Variants in MOCS2 observed in about 807,000 individuals in gnomAD.
MOCS2 encodes molybdopterin synthase catalytic subunit.
In MOCS2, 13 loss-of-function variants were observed where a neutral mutation model predicts 21.9. The ratio of observed to expected loss-of-function variants is 0.59; its 90% confidence interval spans 0.39 to 0.94. The LOEUF (loss-of-function observed/expected upper bound fraction) is 0.94. Ranked by LOEUF, MOCS2 falls within the 40% of genes least tolerant of loss-of-function variation. MOCS2 has a pLI of 0.00. For missense variants in MOCS2, 227 were observed against 218.3 expected (o/e 1.04, Z -0.25); for synonymous variants, 92 against 80.8 (o/e 1.14, Z -0.74).
At chr5:53,101,875 T>C (rs1041178238) in intron 4 of MOCS2, among the ~76,000 whole-genome samples, 1 of 152,226 alleles carries the variant, frequency 6.6e-6, no homozygotes, top group African/African-American at 2.4e-5. Flanking sequence ...CTCCTAACAA[T>C]GACTTTTATC....
Position 53,107,130 on chromosome 5 carries a change from C to CGTCTCCAGGCTGAAGCACGAGGAGCTG in MOCS2, c.18_44dup (p.Ser7_Thr15dup). On this transcript the variant is annotated inframe_insertion, in exon 3 of 7. Coordinates refer to ENST00000396954, the MANE Select transcript of MOCS2 (RefSeq NM_004531.5). ...CTAATGGGGGGGATAACGGCAATTTCGTCTCCAGGCTGAAGCACGAGGAGC... is the reference window on the plus strand; with the variant it reads ...CTAATGGGGGGGATAACGGCAATTTCGTCTCCAGGCTGAAGCACGAGGAGCTGGTCTCCAGGCTGAAGCACGAGGAGC... The CGTCTCCAGGCTGAAGCACGAGGAGCTG allele has an allele frequency of 6.2e-7, 1 of 1,614,114 alleles. No homozygotes were observed. Among genetic ancestry groups the CGTCTCCAGGCTGAAGCACGAGGAGCTG allele is most frequent in the Non-Finnish European group, 8.5e-7 (1 of 1,180,002 alleles).
intron 6 of MOCS2, among the ~76,000 whole-genome samples, chr5:53,099,549 C>A (rs990749337): frequency 4.1e-5 from 6 of 146,582 alleles, no homozygotes; most frequent in African/African-American, 1.5e-4. Flanking sequence ...CTAATCCCTA[C>A]GTATTCTAAC....
Position 53,100,480 on chromosome 5 carries a change from T to C in MOCS2, c.432A>G (p.Arg144=). 1 of 1,613,768 alleles carries C rather than the reference T, an allele frequency of 6.2e-7. No individual in the cohort carries two copies. The highest frequency in any genetic ancestry group is 8.5e-7 in the Non-Finnish European group (1 of 1,179,772). Residue 144 remains arginine, a synonymous_variant, in exon 6 of 7, where the codon AGA becomes AGG. Transcript: ENST00000396954. ...AGCTCACAGCTTCAAGAGATGCAGC[T>C]CTGTGGGCTGAGGACACAGCAATGA... ...SIIIAVSSAH[R]AASLEAVSYA...
At chr5:53,101,288 C>T in intron 5 of MOCS2, 71 bp downstream of exon 5, 3 of 1,442,322 alleles carry the variant, frequency 2.1e-6, no homozygotes, top group South Asian at 2.3e-5. Context: ...AAGAAAGATT[C>T]AAGAATCAGA....
Position 53,095,742 on chromosome 5 carries a change from T to C in MOCS2, c.*2860A>G, listed in dbSNP as rs1740710604. The C allele has an allele frequency of 6.6e-6, 1 of 152,168 alleles. No individual in the cohort carries two copies. The allele number at this position is 152,168 out of a possible 1,614,324, so 9.4% of individuals were successfully genotyped here. A position where few individuals can be genotyped will look rare whatever the true frequency, so the allele number is the denominator to read the frequency against. Reference sequence around the variant, plus strand: ...TCACAGAGCAGGTTAGGAAATGCTGTACAGGTTAGGAAGACCTGTATTAAA... The same window carrying C: ...TCACAGAGCAGGTTAGGAAATGCTGCACAGGTTAGGAAGACCTGTATTAAA... On this transcript the variant is annotated 3_prime_UTR_variant, in exon 7 of 7. Transcript: ENST00000396954.
chr5:53,095,930 CAATT>C lies in MOCS2; in HGVS notation c.*2668_*2671del, dbSNP rs1385519038. On this transcript the variant is annotated 3_prime_UTR_variant, in exon 7 of 7. Coordinates refer to ENST00000396954, the MANE Select transcript of MOCS2 (RefSeq NM_004531.5). ...TAATCTTTTAATATTTTTAAGGTGT[CAATT>C]AAAGATTGGACATCATCTTACATAA... The C allele has an allele frequency of 8.5e-5, 13 of 152,088 alleles. No individual in the cohort carries two copies. Among genetic ancestry groups the C allele is most frequent in the Admixed American group, 5.9e-4 (9 of 15,276 alleles). The allele number at this position is 152,088 out of a possible 1,614,324, so 9.4% of individuals were successfully genotyped here. A position where few individuals can be genotyped will look rare whatever the true frequency, so the allele number is the denominator to read the frequency against.
intron 3 of MOCS2, among the ~76,000 whole-genome samples, chr5:53,105,729 G>A (rs1180824810): frequency 6.6e-6 from 1 of 152,044 alleles, no homozygotes; most frequent in South Asian, 2.1e-4. Context: ...TTGACAAATG[G>A]GATCTAATTA....
At chr5:53,107,052 A>T (rs765212895) in intron 3 of MOCS2, 25 bp downstream of exon 3, 1 of 1,613,750 alleles carries the variant, frequency 6.2e-7, no homozygotes, top group Admixed American at 1.7e-5. Flanking sequence ...CACACGACTG[A>T]TTAAGAAAAA....
chr5:53,109,726 C>G lies in MOCS2; in HGVS notation c.-645G>C, dbSNP rs1231962243. 1 of 1,551,576 alleles carries G rather than the reference C, an allele frequency of 6.4e-7. No individual in the cohort carries two copies. On this transcript the variant is annotated 5_prime_UTR_variant, in exon 1 of 7. Transcript: ENST00000396954. Reference sequence around the variant, plus strand: ...GCCACCCTTACCTGGCACAGCGGCACCATCCCGCCTAGGACAGCGGGACCG... The same window carrying G: ...GCCACCCTTACCTGGCACAGCGGCAGCATCCCGCCTAGGACAGCGGGACCG...
At chr5:53,107,798 G>A (rs1741093083) in intron 2 of MOCS2, 1 of 152,934 alleles carries the variant, frequency 6.5e-6, no homozygotes, top group Non-Finnish European at 1.5e-5. Flanking sequence ...AGGTAAAGCA[G>A]AATGGGAGAC....
intron 4 of MOCS2, among the ~76,000 whole-genome samples, 195 bp downstream of exon 4, chr5:53,101,902 C>T (rs1268185977): frequency 6.6e-6 from 1 of 152,130 alleles, no homozygotes; most frequent in East Asian, 1.9e-4. Flanking sequence ...TTCAAAATGC[C>T]TTGTAATTTA....
chr5:53,106,416 G>A (rs1415796628), intron 3 of MOCS2, among the ~76,000 whole-genome samples: 1 of 152,194 alleles, frequency 6.6e-6, no homozygotes, highest in Non-Finnish European at 1.5e-5. Flanking sequence ...GATGGAGCTA[G>A]AGGCCATTAT....
Position 53,102,204 on chromosome 5 carries a change from T to A in MOCS2, c.119A>T (p.Glu40Val), listed in dbSNP as rs1231284953. 1 of 1,612,224 alleles carries A rather than the reference T, an allele frequency of 6.2e-7. No homozygotes were observed. The highest frequency in any genetic ancestry group is 8.5e-7 in the Non-Finnish European group (1 of 1,178,676). Residue 40 changes from glutamate to valine, a missense_variant, in exon 4 of 7, where the codon GAA becomes GTA. Coordinates refer to ENST00000396954, the MANE Select transcript of MOCS2 (RefSeq NM_004531.5). ...EPSRKDMDEV[E>V]EKSKDVINFT... ...GTTTATAACATCTTTAGATTTCTCT[T>A]CAACTTCATCCATATCTTTCCTAGA...
At chr5:53,099,511 A>C (rs1175087242) in intron 6 of MOCS2, among the ~76,000 whole-genome samples, 1 of 152,114 alleles carries the variant, frequency 6.6e-6, no homozygotes, top group Non-Finnish European at 1.5e-5. Context: ...GAGCTTCACT[A>C]AGTTTCCTTT....
At position 53,097,449 on chromosome 5, in the gene MOCS2, C is replaced by T. The variant is rs959787385; in HGVS notation, c.*1153G>A. ...TAGGATTACTACGTTTCTTATTTGT[C>T]CCAGACATAAGAAAAAAATCCTTCA... On this transcript the variant is annotated 3_prime_UTR_variant, in exon 7 of 7. Coordinates refer to ENST00000396954, the MANE Select transcript of MOCS2 (RefSeq NM_004531.5). 3 of 152,232 alleles carry T rather than the reference C, an allele frequency of 2.0e-5. No individual in the cohort carries two copies. The highest frequency in any genetic ancestry group is 3.4e-3 in the Middle Eastern group (1 of 292). 9.4% of individuals were successfully genotyped at this position (152,232 alleles called of 1,614,324 possible). A position where few individuals can be genotyped will look rare whatever the true frequency, so the allele number is the denominator to read the frequency against.
chr5:53,099,697 G>C (rs1321239979), intron 6 of MOCS2, among the ~76,000 whole-genome samples: 2 of 152,196 alleles, frequency 1.3e-5, no homozygotes, highest in East Asian at 3.9e-4. Flanking sequence ...TAAAAGCCCT[G>C]GCTCTCTGCT....
intron 4 of MOCS2, 75 bp from the exon 5 acceptor site, chr5:53,101,584 T>TA (rs1295701194): frequency 4.8e-6 from 5 of 1,051,774 alleles, no homozygotes; most frequent in Admixed American, 2.0e-5. Flanking sequence ...AGCACGTTAA[T>TA]AAAAAAGGAA....
chr5:53,100,099 CACTCTCCA>C, intron 6 of MOCS2, among the ~76,000 whole-genome samples: 2 of 152,224 alleles, frequency 1.3e-5, no homozygotes, highest in East Asian at 3.9e-4. Flanking sequence ...GCATTATTCT[CACTCTCCA>C]ACAGAAAGAC....
Position 53,107,153 on chromosome 5 carries a change from A to T in MOCS2, c.22T>A (p.Ser8Thr), listed in dbSNP as rs1741072323. Residue 8 changes from serine to threonine, a missense_variant, in exon 3 of 7, where the codon TCC (serine) becomes ACC (threonine). Physicochemically the swap from Ser to Thr is moderately conservative, Grantham distance 58 (BLOSUM62 1). Coordinates refer to ENST00000396954, the MANE Select transcript of MOCS2 (RefSeq NM_004531.5). ...TTCGTCTCCAGGCTGAAGCACGAGG[A>T]GCTGATCTCCAAGCTCGACATATTC... Reference protein sequence around the residue: MSSLEISSSCFSLETKLP... With the variant: MSSLEISTSCFSLETKLP... 6.2e-7 allele frequency: 1 copy of T among 1,614,132 alleles called. No homozygotes were observed. The highest frequency in any genetic ancestry group is 8.5e-7 in the Non-Finnish European group (1 of 1,179,992).
Sources: allele counts gnomAD v4.1 joint callset (sites outside exome capture counted in the v4.1 genomes callset), GRCh38; gene constraint gnomAD v4.1.1; transcripts MANE v1.5; gene names NCBI Gene and HGNC (gene_info 2026-07-23, HGNC 2026-07-21).